Variants in CPED1 observed in about 807,000 individuals in gnomAD.
CPED1 encodes the protein cadherin like and PC-esterase domain containing 1.
CPED1 carries 114 observed loss-of-function variants against 128.2 expected under a neutral mutation model. The ratio of observed to expected loss-of-function variants is 0.89; its 90% CI spans 0.76 to 1.04. CPED1 has a LOEUF of 1.04. Ranked by LOEUF, CPED1 falls within the 50% of genes least tolerant of loss-of-function variation. CPED1 has a pLI of 0.00. For synonymous variants in CPED1, 462 were observed against 426.7 expected, an observed-to-expected ratio of 1.08 and a Z score of -1.02; for missense variants, 1,211 against 1,207.1, an observed-to-expected ratio of 1.00 and a Z score of -0.05.
At chr7:121,135,059 T>C (rs931962419) in intron 13 of CPED1, among the ~76,000 whole-genome samples, 3 of 152,054 alleles carry the variant, frequency 2.0e-5, no homozygotes, top group Non-Finnish European at 4.4e-5. Flanking sequence ...AGAATATTTA[T>C]GACATGAAAA....
intron 16 of CPED1, among the ~76,000 whole-genome samples, chr7:121,230,646 G>A (rs1798114213): frequency 6.6e-6 from 1 of 151,956 alleles, no homozygotes; most frequent in South Asian, 2.1e-4. Flanking sequence ...TAAGATAGTT[G>A]TTGTTCTTCC....
At chr7:121,035,852 A>G (rs973664615) in intron 3 of CPED1, among the ~76,000 whole-genome samples, 2 of 151,714 alleles carry the variant, frequency 1.3e-5, no homozygotes, top group African/African-American at 4.8e-5. Flanking sequence ...ATAATAATAA[A>G]AAAAAATAAA....
intron 7 of CPED1, among the ~76,000 whole-genome samples, chr7:121,105,798 G>A (rs532854621): frequency 1.6e-4 from 24 of 152,138 alleles, no homozygotes; most frequent in Middle Eastern, 6.8e-3. Context: ...TTTTTAAAAA[G>A]CAATTCATTC....
intron 16 of CPED1, among the ~76,000 whole-genome samples, chr7:121,212,438 C>T (rs1300608624): frequency 1.3e-5 from 2 of 152,014 alleles, no homozygotes; most frequent in Non-Finnish European, 2.9e-5. Flanking sequence ...CTGTTTTTTC[C>T]TCTGCTTAGA....
intron 22 of CPED1, among the ~76,000 whole-genome samples, chr7:121,290,533 T>C (rs1047788922): frequency 3.9e-5 from 6 of 152,364 alleles, no homozygotes; most frequent in African/African-American, 1.4e-4. Context: ...ATTGTGGTTT[T>C]GATTTGCATT....
intron 5 of CPED1, among the ~76,000 whole-genome samples, chr7:121,075,824 T>C (rs1350120671): frequency 6.6e-6 from 1 of 152,188 alleles, no homozygotes; most frequent in African/African-American, 2.4e-5. Context: ...TTTTCTTAAT[T>C]TTTAAAATAT....
chr7:121,282,385 A>G (rs1017368733), intron 22 of CPED1, among the ~76,000 whole-genome samples: 1 of 152,090 alleles, frequency 6.6e-6, no homozygotes, highest in African/African-American at 2.4e-5. Context: ...GATTTTAATA[A>G]CCCCAAATGG....
intron 22 of CPED1, among the ~76,000 whole-genome samples, chr7:121,293,920 C>T (rs924834784): frequency 6.6e-6 from 1 of 152,116 alleles, no homozygotes; most frequent in Non-Finnish European, 1.5e-5. Context: ...CTTGTTCTCG[C>T]TGTGAGCTGC....
At chr7:121,108,426 A>G (rs1795030710) in intron 7 of CPED1, among the ~76,000 whole-genome samples, 1 of 152,086 alleles carries the variant, frequency 6.6e-6, no homozygotes, top group Admixed American at 6.6e-5. Context: ...ATGCAGTGCT[A>G]TTAAAGAATG....
chr7:121,140,098 T>G (rs1417579162), intron 14 of CPED1, among the ~76,000 whole-genome samples: 2 of 152,102 alleles, frequency 1.3e-5, no homozygotes, highest in Non-Finnish European at 2.9e-5. Flanking sequence ...AAAACAATTT[T>G]TTCTTTCTTT....
At position 121,220,938 on chromosome 7, in the gene CPED1, T is replaced by TTA. The variant is rs796667799; in HGVS notation, c.2056-15768_2056-15767dup. Among the ~76,000 whole-genome samples the TTA allele has an allele frequency of 7.2e-5, 11 of 152,128 alleles. No individual in the cohort carries two copies. In the South Asian group the frequency reaches 1.7e-3, roughly 23 times the overall value. ...GCTTTACTGCTTTTAATAACTTTTC[T>TTA]TATATATATCTCCATATCTTTACTC... On this transcript the variant is annotated intron_variant, in intron 16 of 22. Coordinates refer to ENST00000310396, the MANE Select transcript of CPED1 (RefSeq NM_024913.5).
chr7:121,176,781 T>C (rs992348799), intron 16 of CPED1, among the ~76,000 whole-genome samples: 2 of 152,132 alleles, frequency 1.3e-5, no homozygotes, highest in African/African-American at 4.8e-5. Flanking sequence ...TGCGCTAATA[T>C]AACTTGTTGT....
In CPED1 at chr7:121,233,751, A is replaced by G. The variant is rs1798188144; in HGVS notation, c.2056-2963A>G. 3.3e-5 allele frequency among the ~76,000 whole-genome samples: 5 copies of G among 152,096 alleles called. No individual in the cohort carries two copies. In the South Asian group the frequency reaches 1.0e-3, roughly 32 times the overall value. On this transcript the variant is annotated intron_variant, in intron 16 of 22. Transcript: ENST00000310396. ...TCAAAAAGATTCATGTGGCATTTAA[A>G]TTATAAGTTTCAGAGACCCTTTGAG...
intron 3 of CPED1, among the ~76,000 whole-genome samples, chr7:121,019,920 C>A (rs762242723): frequency 6.6e-5 from 10 of 151,856 alleles, no homozygotes; most frequent in Non-Finnish European, 1.5e-4. Flanking sequence ...TGCACAGTGG[C>A]CTAAAAAGGA....
At chr7:121,244,491 T>C (rs1394319332) in intron 18 of CPED1, among the ~76,000 whole-genome samples, 153 bp downstream of exon 18, 1 of 152,210 alleles carries the variant, frequency 6.6e-6, no homozygotes, top group East Asian at 1.9e-4. Context: ...TGTATAGATG[T>C]TATCATAGAA....
intron 16 of CPED1, among the ~76,000 whole-genome samples, chr7:121,196,023 G>A (rs1053265478): frequency 6.6e-6 from 1 of 152,036 alleles, no homozygotes; most frequent in Non-Finnish European, 1.5e-5. Context: ...ATGGTGTTTA[G>A]TGGGTCTGCT....
chr7:121,051,460 C>T, intron 4 of CPED1: 3 of 492,364 alleles, frequency 6.1e-6, no homozygotes, highest in Non-Finnish European at 1.1e-5. Context: ...TTATGGGAGG[C>T]TTTGACTGTC....
chr7:121,260,218 T>C (rs1441825619), intron 18 of CPED1, among the ~76,000 whole-genome samples: 1 of 140,182 alleles, frequency 7.1e-6, no homozygotes, highest in African/African-American at 2.6e-5. Context: ...AGTTGCTTGC[T>C]TCGCGTTTTT....
intron 22 of CPED1, among the ~76,000 whole-genome samples, chr7:121,281,040 T>C (rs1792450806): frequency 6.6e-6 from 1 of 152,224 alleles, no homozygotes; most frequent in African/African-American, 2.4e-5. Flanking sequence ...CAGAGCATCC[T>C]CTAATCCAGT....
Sources: gnomAD v4.1 joint callset for allele counts (sites outside exome capture counted in the v4.1 genomes callset) on GRCh38, gnomAD v4.1.1 for gene constraint, MANE v1.5 for transcripts, NCBI Gene and HGNC (gene_info 2026-07-23, HGNC 2026-07-21) for gene names.